Variants in NSUN7 observed in about 807,000 individuals in gnomAD.
NSUN7 encodes the protein NOP2/Sun RNA methyltransferase family member 7, also known as protein NSUN7.
A neutral mutation model predicts 58.5 loss-of-function variants in NSUN7; 39 were observed. The observed-to-expected ratio is 0.67, with a 90% CI of 0.52 to 0.87. The LOEUF is 0.87. NSUN7 is among the 40% of genes least tolerant of loss of function. The pLI, the probability that NSUN7 is intolerant of heterozygous loss-of-function variation, is 0.00. For missense variants in NSUN7, 765 were observed against 844.1 expected (o/e 0.91, Z 1.16); for synonymous variants, 278 against 303.7 (o/e 0.92, Z 0.88).
chr4:40,768,447 C>T (rs909009773), intron 4 of NSUN7, among the ~76,000 whole-genome samples: 2 of 152,226 alleles, frequency 1.3e-5, no homozygotes, highest in East Asian at 3.9e-4. Context: ...GCCTCGGCCT[C>T]CTAGAATGCT....
intron 4 of NSUN7, among the ~76,000 whole-genome samples, chr4:40,763,269 A>G (rs919513538): frequency 1.3e-5 from 2 of 152,194 alleles, no homozygotes; most frequent in African/African-American, 4.8e-5. Flanking sequence ...AGCAAAAGCA[A>G]TCAGATGTAT....
chr4:40,764,712 C>A (rs537646176), intron 4 of NSUN7, among the ~76,000 whole-genome samples: 229 of 152,246 alleles, frequency 1.5e-3, no homozygotes, highest in African/African-American at 5.4e-3. Flanking sequence ...TTAAAGTGTT[C>A]CTATTTCTCC....
At chr4:40,800,673 CTTTA>C (rs1296051192) in intron 10 of NSUN7, among the ~76,000 whole-genome samples, 2 of 152,012 alleles carry the variant, frequency 1.3e-5, no homozygotes, top group Non-Finnish European at 2.9e-5. Context: ...ATATCTTGTT[CTTTA>C]TTTTAGACTT....
intron 7 of NSUN7, 186 bp downstream of exon 7, chr4:40,776,445 G>T: frequency 2.2e-6 from 1 of 445,810 alleles, no homozygotes. Flanking sequence ...AACAACTGTG[G>T]GTTAAATTAA....
intron 3 of NSUN7, 127 bp downstream of exon 3, chr4:40,760,619 T>A: frequency 1.5e-6 from 1 of 673,678 alleles, no homozygotes; most frequent in Non-Finnish European, 2.4e-6. Flanking sequence ...TCCCAGCACT[T>A]TGGGAGGCCA....
chr4:40,808,642 G>T lies in NSUN7; in HGVS notation c.1860G>T (p.Lys620Asn), dbSNP rs550455782. Reference protein sequence around the residue: ...APHPAVPAFVKNTCPSRPRER... With the variant: ...APHPAVPAFVNNTCPSRPRER... ...ATCCTGCAGTGCCTGCATTTGTGAA[G>T]AACACTTGTCCCTCCAGACCGCGTG... Residue 620 changes from lysine (K) to asparagine (N), a missense_variant, in exon 12 of 12, where the codon AAG (lysine) becomes AAT (asparagine). Coordinates refer to ENST00000381782, the MANE Select transcript of NSUN7 (RefSeq NM_024677.6). 27 of 1,551,856 alleles carry T rather than the reference G, an allele frequency of 1.7e-5. 1 individual carries two copies. The South Asian group carries it at 3.1e-4, about 18-fold the overall frequency.
chr4:40,758,882 C>T (rs1486422897), intron 2 of NSUN7, among the ~76,000 whole-genome samples: 1 of 150,662 alleles, frequency 6.6e-6, no homozygotes, highest in East Asian at 2.0e-4. Context: ...AAGACTCTGT[C>T]TCAAAAAAAA....
chr4:40,767,256 G>T (rs959639005), intron 4 of NSUN7, among the ~76,000 whole-genome samples: 1 of 152,158 alleles, frequency 6.6e-6, no homozygotes, highest in African/African-American at 2.4e-5. Flanking sequence ...TGCTTTGAAT[G>T]TGTCCCAGAG....
chr4:40,773,682 C>CAA (rs748446945), intron 4 of NSUN7, among the ~76,000 whole-genome samples: 3 of 116,110 alleles, frequency 2.6e-5, no homozygotes, highest in Admixed American at 9.0e-5. Flanking sequence ...GACTCTATCT[C>CAA]AAAAAAAAAA....
At chr4:40,805,764 C>T (rs1284623928) in intron 10 of NSUN7, among the ~76,000 whole-genome samples, 1 of 152,088 alleles carries the variant, frequency 6.6e-6, no homozygotes, top group African/African-American at 2.4e-5. Flanking sequence ...GAGGCCTGTC[C>T]CCTGCGCTCT....
chr4:40,809,018 C>A lies in NSUN7; in HGVS notation c.*79C>A. Reference sequence around the variant, plus strand: ...TAGTATTTCTCTGAAGATTCTACATCTCTACACAAGATATTCATTCTTTTG... The same window carrying A: ...TAGTATTTCTCTGAAGATTCTACATATCTACACAAGATATTCATTCTTTTG... On this transcript the variant is annotated 3_prime_UTR_variant, in exon 12 of 12. Coordinates refer to ENST00000381782, the MANE Select transcript of NSUN7 (RefSeq NM_024677.6). 7.4e-7 allele frequency: 1 copy of A among 1,346,224 alleles called. No homozygotes were observed. The highest frequency in any genetic ancestry group is 9.8e-7 in the Non-Finnish European group (1 of 1,016,264). 83.4% of individuals were successfully genotyped at this position (1,346,224 alleles called of 1,614,324 possible).
intron 11 of NSUN7, 113 bp from the exon 12 acceptor site, chr4:40,808,194 C>A (rs1743919809): frequency 9.2e-6 from 11 of 1,200,848 alleles, no homozygotes; most frequent in East Asian, 2.6e-5. Flanking sequence ...TTTCTTATTT[C>A]TTTTAGTATA....
At chr4:40,804,611 C>T (rs2154289469) in intron 10 of NSUN7, among the ~76,000 whole-genome samples, 1 of 152,084 alleles carries the variant, frequency 6.6e-6, no homozygotes, top group East Asian at 1.9e-4. Context: ...TAATAGTGAA[C>T]AGTCTTTGAG....
intron 2 of NSUN7, among the ~76,000 whole-genome samples, chr4:40,751,380 C>A (rs1228546183): frequency 6.6e-6 from 1 of 152,104 alleles, no homozygotes; most frequent in African/African-American, 2.4e-5. Context: ...TCTTCAGCTT[C>A]CCAAAGTGCT....
At chr4:40,787,494 T>C (rs1176421225) in intron 7 of NSUN7, among the ~76,000 whole-genome samples, 1 of 152,060 alleles carries the variant, frequency 6.6e-6, no homozygotes, top group South Asian at 2.1e-4. Context: ...AATAAAAAGA[T>C]ACTATGAGCA....
intron 7 of NSUN7, among the ~76,000 whole-genome samples, chr4:40,781,479 C>G (rs1742563132): frequency 6.6e-6 from 1 of 152,118 alleles, no homozygotes; most frequent in East Asian, 1.9e-4. Flanking sequence ...CGGGGTCTCG[C>G]TCTGTCACCC....
chr4:40,803,515 A>G (rs1464240713), intron 10 of NSUN7, among the ~76,000 whole-genome samples: 3 of 151,884 alleles, frequency 2.0e-5, no homozygotes, highest in Non-Finnish European at 4.4e-5. Flanking sequence ...TGTGGTTTTG[A>G]TTTGCATTTC....
At position 40,788,828 on chromosome 4, in the gene NSUN7, T is replaced by C. The variant is rs181104238; in HGVS notation, c.1037-1774T>C. 4.6e-5 allele frequency among the ~76,000 whole-genome samples: 7 copies of C among 152,306 alleles called. No homozygotes were observed. In the East Asian group the frequency reaches 1.3e-3, roughly 29 times the overall value. On this transcript the variant is annotated intron_variant, in intron 7 of 11. Coordinates refer to ENST00000381782, the MANE Select transcript of NSUN7 (RefSeq NM_024677.6). The stretch of plus-strand genomic sequence containing the variant: ...TCTGCTGAGTTTCCAAGTTCCTTGT[T>C]CATTTTTCTCTCAGTCTTGGGGCTG...
chr4:40,767,604 TG>T (rs1741796745), intron 4 of NSUN7, among the ~76,000 whole-genome samples: 2 of 152,204 alleles, frequency 1.3e-5, no homozygotes. Flanking sequence ...TAGGTCCGCT[TG>T]GTGCAGAGCT....
Sources: allele counts gnomAD v4.1 joint callset (sites outside exome capture counted in the v4.1 genomes callset), GRCh38; gene constraint gnomAD v4.1.1; transcripts MANE v1.5; gene names NCBI Gene and HGNC (gene_info 2026-07-23, HGNC 2026-07-21).